Variants in ACSS3 observed in about 807,000 individuals in gnomAD.
ACSS3 encodes the protein acyl-CoA synthetase short chain family member 3, also known as acyl-CoA synthetase short-chain family member 3, mitochondrial.
In ACSS3, 64 loss-of-function variants were observed where a neutral mutation model predicts 84.2. The observed-to-expected ratio is 0.76, with a 90% CI of 0.62 to 0.94. The LOEUF is 0.94. Ranked by LOEUF, ACSS3 falls within the 40% of genes least tolerant of loss-of-function variation. The pLI is 0.00. For missense variants in ACSS3, 815 were observed against 867.6 expected (o/e 0.94, Z 0.76); for synonymous variants, 317 against 310.1 (o/e 1.02, Z -0.23).
rs971300497 is a variant in ACSS3 at position 81,258,215 on chromosome 12, A to G, written c.*3293A>G. The G allele has an allele frequency of 6.6e-6, 1 of 152,172 alleles. No individual in the cohort carries two copies. The highest frequency in any genetic ancestry group is 2.4e-5 in the African/African-American group (1 of 41,454). 9.4% of individuals were successfully genotyped at this position (152,172 alleles called of 1,614,324 possible). A position where few individuals can be genotyped will look rare whatever the true frequency, so the allele number is the denominator to read the frequency against. On this transcript the variant is annotated 3_prime_UTR_variant, in exon 16 of 16. Coordinates refer to ENST00000548058, the MANE Select transcript of ACSS3 (RefSeq NM_024560.4). Reference sequence around the variant, plus strand: ...AAAGAACACATTTCCTGATAGTTTAAGTAAATTGTCGAGCCTTATGTGACT... The same window carrying G: ...AAAGAACACATTTCCTGATAGTTTAGGTAAATTGTCGAGCCTTATGTGACT...
chr12:81,094,614 A>T (rs1234390028), intron 1 of ACSS3: 1 of 152,202 alleles, frequency 6.6e-6, no homozygotes, highest in African/African-American at 2.4e-5. Flanking sequence ...CTCCATGGAC[A>T]TGAGCTAAGT....
intron 1 of ACSS3, among the ~76,000 whole-genome samples, chr12:81,086,542 G>A (rs561598410): frequency 5.3e-5 from 8 of 152,224 alleles, no homozygotes; most frequent in African/African-American, 1.7e-4. Context: ...GGCAAATGGC[G>A]CAATCAATGA....
chr12:81,227,398 TACACACACAC>T (rs34993441), intron 11 of ACSS3, among the ~76,000 whole-genome samples: 5 of 148,588 alleles, frequency 3.4e-5, no homozygotes, highest in African/African-American at 1.2e-4. Context: ...GAGGACTATT[TACACACACAC>T]ACACACACAC....
At chr12:81,239,512 C>T (rs2033725653) in intron 13 of ACSS3, among the ~76,000 whole-genome samples, 1 of 151,920 alleles carries the variant, frequency 6.6e-6, no homozygotes, top group Admixed American at 6.6e-5. Context: ...CTCATAATCC[C>T]ATATGGCTGG....
chr12:81,132,246 C>T (rs2067238244), intron 2 of ACSS3, among the ~76,000 whole-genome samples: 3 of 152,120 alleles, frequency 2.0e-5, no homozygotes, highest in Non-Finnish European at 4.4e-5. Flanking sequence ...GGCTGTGAAT[C>T]TGTCTGGTCC....
At chr12:81,154,942 T>C (rs989461790) in intron 7 of ACSS3, among the ~76,000 whole-genome samples, 2 of 152,168 alleles carry the variant, frequency 1.3e-5, no homozygotes, top group Admixed American at 1.3e-4. Flanking sequence ...TCTGCTTAGA[T>C]GTTATAATTT....
chr12:81,238,381 T>C (rs2033694068), intron 13 of ACSS3, among the ~76,000 whole-genome samples: 1 of 151,798 alleles, frequency 6.6e-6, no homozygotes, highest in South Asian at 2.1e-4. Flanking sequence ...TTAGAAAATA[T>C]TCCCATGACT....
At chr12:81,129,259 TGGTTAGGGAACTATGG>T (rs1191919876) in intron 2 of ACSS3, among the ~76,000 whole-genome samples, 3 of 152,146 alleles carry the variant, frequency 2.0e-5, no homozygotes, top group Non-Finnish European at 4.4e-5. Context: ...ACTTTCTGTA[TGGTTAGGGAACTATGG>T]TGTAAGCATA....
chr12:81,143,248 G>GCC lies in ACSS3; in HGVS notation c.921+1_921+2insCC. 1 of 1,585,750 alleles carries GCC rather than the reference G, an allele frequency of 6.3e-7. No individual in the cohort carries two copies. Among genetic ancestry groups the GCC allele is most frequent in the Non-Finnish European group, 8.6e-7 (1 of 1,160,784 alleles). ...ATCTGGCACAACGGGGTTACCTAAGGTACTCACTCTCTTAGAGATAACTAT... is the reference window on the plus strand; with the variant it reads ...ATCTGGCACAACGGGGTTACCTAAGGCCTACTCACTCTCTTAGAGATAACTAT... On this transcript the variant is annotated splice_donor_variant, in intron 5 of 15. Transcript: ENST00000548058. LOFTEE classifies it high-confidence loss of function.
chr12:81,242,685 G>A (rs1347395957), intron 13 of ACSS3, among the ~76,000 whole-genome samples: 2 of 127,926 alleles, frequency 1.6e-5, no homozygotes, highest in Non-Finnish European at 3.6e-5. Flanking sequence ...TCATCCCTGG[G>A]ATGCAAGGCT....
At chr12:81,108,966 G>A (rs1198324307) in intron 1 of ACSS3, among the ~76,000 whole-genome samples, 2 of 152,052 alleles carry the variant, frequency 1.3e-5, no homozygotes, top group African/African-American at 2.4e-5. Context: ...AATTGCAAAG[G>A]CTTTCAAAAA....
At chr12:81,225,648 A>G (rs1439702674) in intron 11 of ACSS3, among the ~76,000 whole-genome samples, 1 of 151,968 alleles carries the variant, frequency 6.6e-6, no homozygotes, top group African/African-American at 2.4e-5. Flanking sequence ...TTAATGGAGT[A>G]GACATCATTC....
chr12:81,096,779 G>A (rs911905177), intron 1 of ACSS3, among the ~76,000 whole-genome samples: 5 of 152,114 alleles, frequency 3.3e-5, no homozygotes, highest in African/African-American at 1.2e-4. Flanking sequence ...CTTCATCCAT[G>A]TCCCTGCAAA....
intron 7 of ACSS3, among the ~76,000 whole-genome samples, chr12:81,161,875 C>T (rs1164721084): frequency 6.6e-6 from 1 of 152,182 alleles, no homozygotes; most frequent in Non-Finnish European, 1.5e-5. Context: ...GGTTGGGCAG[C>T]TCCAGGAGCC....
chr12:81,177,741 A>G (rs1322433246), intron 8 of ACSS3, among the ~76,000 whole-genome samples: 2 of 152,226 alleles, frequency 1.3e-5, no homozygotes, highest in Admixed American at 6.5e-5. Context: ...CATCAGAGAA[A>G]TGGAAATCAA....
Position 81,260,291 on chromosome 12 carries a change from AT to A in ACSS3, c.*5370del, listed in dbSNP as rs1439902831. On this transcript the variant is annotated 3_prime_UTR_variant, in exon 16 of 16. Coordinates refer to ENST00000548058, the MANE Select transcript of ACSS3 (RefSeq NM_024560.4). ...TGAATTATTGTAAATGAATACTGTTATCCCAATTAATGGTAAAAACTAGGAA... is the reference window on the plus strand; with the variant it reads ...TGAATTATTGTAAATGAATACTGTTACCCAATTAATGGTAAAAACTAGGAA... The A allele has an allele frequency of 6.6e-6, 1 of 152,212 alleles. No individual in the cohort carries two copies. Among genetic ancestry groups the A allele is most frequent in the African/African-American group, 2.4e-5 (1 of 41,450 alleles). The allele number at this position is 152,212 out of a possible 1,614,324, so 9.4% of individuals were successfully genotyped here.
intron 12 of ACSS3, among the ~76,000 whole-genome samples, chr12:81,231,387 T>TA (rs1347121927): frequency 1.3e-5 from 2 of 151,854 alleles, no homozygotes; most frequent in African/African-American, 4.8e-5. Context: ...TCCTAGAATT[T>TA]AATAGTCTTC....
intron 2 of ACSS3, among the ~76,000 whole-genome samples, chr12:81,116,188 T>A (rs1369365548): frequency 6.6e-6 from 1 of 152,106 alleles, no homozygotes; most frequent in Non-Finnish European, 1.5e-5. Flanking sequence ...TAAATTTTTA[T>A]CAAAATTGTA....
intron 7 of ACSS3, chr12:81,158,346 C>G (rs903838188): frequency 6.5e-6 from 1 of 153,632 alleles, no homozygotes; most frequent in African/African-American, 2.4e-5. Context: ...ACAGCTACAA[C>G]ATTCTCTCTT....
Sources: allele counts gnomAD v4.1 joint callset (sites outside exome capture counted in the v4.1 genomes callset), GRCh38; gene constraint gnomAD v4.1.1; transcripts MANE v1.5; gene names NCBI Gene and HGNC (gene_info 2026-07-23, HGNC 2026-07-21).